Variants in LRBA observed in about 807,000 individuals in gnomAD.
The protein encoded by LRBA is LPS responsive beige-like anchor protein, also known as lipopolysaccharide-responsive and beige-like anchor protein.
A neutral mutation model predicts 330.0 loss-of-function variants in LRBA; 176 were observed. That is an observed-to-expected ratio of 0.53 (90% CI 0.47 to 0.60). The LOEUF is 0.60. Ranked by LOEUF, LRBA falls within the 20% of genes least tolerant of loss-of-function variation. The pLI is 0.00. For synonymous variants in LRBA, 1,230 were observed against 1,193.0 expected (o/e 1.03, Z -0.64); for missense variants, 3,259 against 3,444.8 (o/e 0.95, Z 1.35).
chr4:150,492,612 C>G (rs996276174), intron 40 of LRBA, among the ~76,000 whole-genome samples: 1 of 152,136 alleles, frequency 6.6e-6, no homozygotes, highest in East Asian at 1.9e-4. Context: ...GAGGACCCTT[C>G]ACCTCAAAAT....
chr4:150,630,758 AT>A (rs1002244726), intron 37 of LRBA, among the ~76,000 whole-genome samples: 1 of 152,170 alleles, frequency 6.6e-6, no homozygotes, highest in African/African-American at 2.4e-5. Flanking sequence ...TGAAACAGCT[AT>A]TTGAAAATAA....
At chr4:150,721,022 T>G (rs1055133459) in intron 36 of LRBA, 3 of 540,024 alleles carry the variant, frequency 5.6e-6, no homozygotes, top group Non-Finnish European at 1.1e-5. Flanking sequence ...ACAATTTGAC[T>G]GAGGAACAGA....
intron 48 of LRBA, among the ~76,000 whole-genome samples, chr4:150,348,090 C>T (rs1473804759): frequency 1.3e-5 from 2 of 152,182 alleles, no homozygotes; most frequent in Non-Finnish European, 2.9e-5. Context: ...GAGAACATTT[C>T]CAGCACTGCA....
chr4:150,412,703 T>C (rs915870418), intron 47 of LRBA, among the ~76,000 whole-genome samples: 6 of 152,018 alleles, frequency 3.9e-5, no homozygotes, highest in Non-Finnish European at 8.8e-5. Context: ...ACTATGGTAA[T>C]GATTAACAGA....
At chr4:150,492,007 T>G (rs1013831517) in intron 40 of LRBA, among the ~76,000 whole-genome samples, 1 of 152,006 alleles carries the variant, frequency 6.6e-6, no homozygotes, top group Non-Finnish European at 1.5e-5. Context: ...AATGAAACAT[T>G]TGATTATGAT....
intron 38 of LRBA, among the ~76,000 whole-genome samples, chr4:150,592,770 G>T (rs1773051695): frequency 1.3e-5 from 2 of 152,022 alleles, no homozygotes; most frequent in Admixed American, 1.3e-4. Flanking sequence ...TGGGACCACA[G>T]GTGCTTGCCA....
chr4:150,861,270 G>GGTGTGGGT (rs1751893757), intron 22 of LRBA, among the ~76,000 whole-genome samples: 1 of 137,814 alleles, frequency 7.3e-6, no homozygotes, highest in African/African-American at 2.8e-5. Flanking sequence ...CCCAGCTAAT[G>GGTGTGGGT]GTGTGTGTGT....
At chr4:150,559,753 TAAC>T (rs1349489510) in intron 40 of LRBA, among the ~76,000 whole-genome samples, 36 of 87,734 alleles carry the variant, frequency 4.1e-4, no homozygotes, top group African/African-American at 5.3e-4. Flanking sequence ...ATAATATATA[TAAC>T]ATTATAGATT....
intron 35 of LRBA, among the ~76,000 whole-genome samples, chr4:150,754,709 C>G (rs143735312): frequency 6.6e-6 from 1 of 152,110 alleles, no homozygotes; most frequent in African/African-American, 2.4e-5. Flanking sequence ...GTAGGAAGAT[C>G]ACTTGAGCCT....
chr4:150,653,131 C>T (rs766927305), intron 37 of LRBA, among the ~76,000 whole-genome samples: 24 of 152,064 alleles, frequency 1.6e-4, no homozygotes, highest in Non-Finnish European at 2.9e-4. Flanking sequence ...TCGCTTGAGG[C>T]CAGGAATTCA....
chr4:150,726,447 C>T (rs1209005468), intron 36 of LRBA, among the ~76,000 whole-genome samples: 7 of 152,098 alleles, frequency 4.6e-5, no homozygotes, highest in South Asian at 4.1e-4. Flanking sequence ...GAGGATATAA[C>T]GATTGTAAAT....
intron 40 of LRBA, among the ~76,000 whole-genome samples, chr4:150,572,963 T>G (rs1770049715): frequency 6.6e-6 from 1 of 152,112 alleles, no homozygotes. Flanking sequence ...AGCACTTACA[T>G]GAAAGGGGCT....
intron 34 of LRBA, among the ~76,000 whole-genome samples, chr4:150,796,481 G>A (rs1419604179): frequency 6.6e-6 from 1 of 151,820 alleles, no homozygotes; most frequent in African/African-American, 2.4e-5. Flanking sequence ...ACCCAATAAT[G>A]TATTTTATTC....
intron 40 of LRBA, among the ~76,000 whole-genome samples, chr4:150,566,661 T>C (rs1381484929): frequency 6.6e-6 from 1 of 152,056 alleles, no homozygotes; most frequent in Non-Finnish European, 1.5e-5. Context: ...CTAATACAAA[T>C]AGTAATAATG....
At chr4:150,506,062 C>A (rs139736377) in intron 40 of LRBA, among the ~76,000 whole-genome samples, 22,422 of 152,068 alleles carry the variant, frequency 0.15, 1,676 homozygotes, top group Middle Eastern at 0.18. Flanking sequence ...CAATAACAGG[C>A]TCTGAAATTG....
intron 27 of LRBA, 24 bp from the exon 28 acceptor site, chr4:150,844,231 GTATA>G: frequency 8.9e-7 from 1 of 1,123,002 alleles, no homozygotes; most frequent in Non-Finnish European, 1.3e-6. Context: ...AAAAAAAATT[GTATA>G]TATATATATT....
chr4:150,660,381 G>GC (rs1780888184), intron 37 of LRBA, among the ~76,000 whole-genome samples: 2 of 125,972 alleles, frequency 1.6e-5, no homozygotes, highest in African/African-American at 2.8e-5. Context: ...CCGGCCAGTG[G>GC]CCCCGTCCGG....
chr4:150,596,544 C>T (rs1193096039), intron 38 of LRBA, among the ~76,000 whole-genome samples: 1 of 151,882 alleles, frequency 6.6e-6, no homozygotes. Context: ...ATACTATCCT[C>T]ATTAATATAT....
intron 34 of LRBA, among the ~76,000 whole-genome samples, chr4:150,793,281 C>A (rs990536245): frequency 2.0e-5 from 3 of 151,852 alleles, no homozygotes; most frequent in African/African-American, 4.8e-5. Context: ...CCAGCCTGGG[C>A]AACAGAGCAA....
Sources: allele counts gnomAD v4.1 joint callset (sites outside exome capture counted in the v4.1 genomes callset), GRCh38; gene constraint gnomAD v4.1.1; transcripts MANE v1.5; gene names NCBI Gene and HGNC (gene_info 2026-07-23, HGNC 2026-07-21).